The following HLTF variants were observed in gnomAD, a reference collection of about 807,000 sequenced individuals.
HLTF encodes the protein helicase like transcription factor, also known as DNA-dependent ATPase/E3 ubiquitin-protein ligase HLTF.
A neutral mutation model predicts 129.4 loss-of-function variants in HLTF; 127 were observed. The observed-to-expected ratio is 0.98, with a 90% CI of 0.85 to 1.14. The LOEUF is 1.14. Among genes scored for constraint, HLTF ranks in the 50% most tolerant of loss-of-function variants. The pLI, the probability that HLTF is intolerant of heterozygous loss-of-function variation, is 0.00. For missense variants in HLTF, 1,139 were observed against 1,187.1 expected (o/e 0.96, Z 0.60); for synonymous variants, 332 against 388.8 (o/e 0.85, Z 1.72).
chr3:149,047,976 G>A, intron 17 of HLTF, 52 bp downstream of exon 17: 1 of 1,449,822 alleles, frequency 6.9e-7, no homozygotes, highest in Non-Finnish European at 9.3e-7. Context: ...ACTGGTTCAA[G>A]CTACTAACAG....
At chr3:149,070,473 T>A (rs1024613574) in intron 7 of HLTF, among the ~76,000 whole-genome samples, 1 of 152,250 alleles carries the variant, frequency 6.6e-6, no homozygotes, top group Admixed American at 6.5e-5. Context: ...GAGTTTGTAC[T>A]GCTATCTTTA....
intron 4 of HLTF, among the ~76,000 whole-genome samples, 165 bp downstream of exon 4, chr3:149,074,050 G>C (rs1029199690): frequency 6.6e-5 from 10 of 151,920 alleles, no homozygotes; most frequent in Non-Finnish European, 4.4e-5. Flanking sequence ...TTTCAATAGA[G>C]GCAAAAGGAA....
At chr3:149,084,973 T>C (rs1447118931) in intron 1 of HLTF, 84 bp from the exon 2 acceptor site, 2 of 914,024 alleles carry the variant, frequency 2.2e-6, no homozygotes, top group Non-Finnish European at 3.4e-6. Context: ...CATGCTTTAC[T>C]TCAGCAAATG....
In HLTF at chr3:149,032,341, A is replaced by G; in HGVS notation, c.2909T>C (p.Met970Thr). The G allele has an allele frequency of 6.3e-6, 10 of 1,583,950 alleles. No homozygotes were observed. The highest frequency in any genetic ancestry group is 2.3e-5 in the East Asian group (1 of 43,698). ...FIVKDSVEEN[M>T]LKIQNKKREL... ...TCTCTTTTTGTTTTGTATTTTCAGC[A>G]TATTTTCTTCAACAGAGTCCTTTAC... Residue 970 changes from methionine to threonine, a missense_variant, in exon 25 of 25, where the codon ATG (methionine) becomes ACG (threonine). Physicochemically the swap from Met to Thr is moderately conservative, Grantham distance 81. Transcript: ENST00000310053.
intron 2 of HLTF, among the ~76,000 whole-genome samples, chr3:149,083,041 C>T (rs1720006508): frequency 1.3e-5 from 2 of 152,174 alleles, no homozygotes; most frequent in Admixed American, 6.5e-5. Flanking sequence ...CACCTGAGGT[C>T]AGGGGTTCAA....
In HLTF at chr3:149,074,262, G is replaced by T. The variant is rs760917479; in HGVS notation, c.482C>A (p.Ser161Ter). 2.5e-6 allele frequency: 4 copies of T among 1,613,622 alleles called. No homozygotes were observed. The highest frequency in any genetic ancestry group is 1.7e-6 in the Non-Finnish European group (2 of 1,179,776). ...AAATCCATGTTTCTTCAACTGATCT[G>T]AAACCGCTTTTCTATTTTCTTCTTT... ...WGKEENRKAV[S>*]DQLKKHGFKL... Residue 161 changes from serine (S) to a stop codon, truncating the protein, a stop_gained, in exon 4 of 25, where the codon TCA becomes TAA. Transcript: ENST00000310053. LOFTEE classifies it high-confidence loss of function.
chr3:149,084,188 C>G (rs906494162), intron 2 of HLTF, among the ~76,000 whole-genome samples: 2 of 152,098 alleles, frequency 1.3e-5, no homozygotes, highest in African/African-American at 4.8e-5. Context: ...CTAGACAACA[C>G]ATTTCAGACA....
At chr3:149,074,386 G>A (rs768924460) in intron 3 of HLTF, 38 bp from the exon 4 acceptor site, 1 of 1,564,856 alleles carries the variant, frequency 6.4e-7, no homozygotes, top group Non-Finnish European at 8.6e-7. Context: ...GAAATCAGAA[G>A]CATTACTTTT....
rs554593831 is a variant in HLTF, at chr3:149,082,797, T to C, written c.228+1885A>G. On this transcript the variant is annotated intron_variant, in intron 2 of 24. Transcript: ENST00000310053. ...AAGGAAATTATAAGTCCAATATAGA[T>C]GATATTCCTAATCACATTAGGCATA... Among the ~76,000 whole-genome samples, 86 of 152,338 alleles carry C rather than the reference T, an allele frequency of 5.6e-4. 1 individual carries two copies. Among genetic ancestry groups the C allele is most frequent in the South Asian group, 3.3e-3 (16 of 4,828 alleles).
At position 149,031,951 on chromosome 3, in the gene HLTF, T is replaced by A; in HGVS notation, c.*269A>T. 4.5e-6 allele frequency: 1 copy of A among 221,300 alleles called. No individual in the cohort carries two copies. Among genetic ancestry groups the A allele is most frequent in the East Asian group, 9.8e-5 (1 of 10,256 alleles). The allele number at this position is 221,300 out of a possible 1,614,324, so 13.7% of individuals were successfully genotyped here. A position where few individuals can be genotyped will look rare whatever the true frequency, so the allele number is the denominator to read the frequency against. ...GGAAGATACGTGAAAATACTCAGCA[T>A]AGATATTATGAAAAGCTGAATAACA... On this transcript the variant is annotated 3_prime_UTR_variant, in exon 25 of 25. Coordinates refer to ENST00000310053, the MANE Select transcript of HLTF (RefSeq NM_003071.4).
intron 18 of HLTF, among the ~76,000 whole-genome samples, chr3:149,044,735 C>T (rs1278472383): frequency 6.6e-6 from 1 of 152,158 alleles, no homozygotes; most frequent in Non-Finnish European, 1.5e-5. Context: ...CAGCCTTCCA[C>T]TTATGCAGGT....
At chr3:149,059,881 G>T in intron 12 of HLTF, 74 bp from the exon 13 acceptor site, 1 of 869,432 alleles carries the variant, frequency 1.2e-6, no homozygotes. Context: ...CTTTCTAAGG[G>T]TAAGAAATAG....
At chr3:149,084,648 T>C (rs529880001) in intron 2 of HLTF, 34 bp downstream of exon 2, 30 of 1,442,802 alleles carry the variant, frequency 2.1e-5, no homozygotes, top group Non-Finnish European at 2.7e-5. Flanking sequence ...GCCAGAAATA[T>C]AATCAAAATT....
At chr3:149,059,483 G>C (rs1278130129) in intron 13 of HLTF, 1 of 496,998 alleles carries the variant, frequency 2.0e-6, no homozygotes, top group African/African-American at 2.0e-5. Context: ...CTATTCAGAG[G>C]AGTAAGGGCC....
chr3:149,040,620 A>G (rs1716050927), intron 20 of HLTF, among the ~76,000 whole-genome samples: 1 of 152,120 alleles, frequency 6.6e-6, no homozygotes, highest in Non-Finnish European at 1.5e-5. Flanking sequence ...CCAAAGCAAC[A>G]TCTGTTGTAC....
chr3:149,047,909 A>C, intron 17 of HLTF, 119 bp downstream of exon 17: 3 of 760,802 alleles, frequency 3.9e-6, no homozygotes, highest in Non-Finnish European at 6.1e-6. Flanking sequence ...ACTGAGCCAT[A>C]AACACTTTTT....
chr3:149,067,203 C>T (rs972756367), intron 8 of HLTF, among the ~76,000 whole-genome samples: 1 of 151,076 alleles, frequency 6.6e-6, no homozygotes, highest in African/African-American at 2.4e-5. Context: ...TATACACACA[C>T]ACACACAAAT....
At chr3:149,066,080 C>G (rs1718358356) in intron 8 of HLTF, among the ~76,000 whole-genome samples, 1 of 151,318 alleles carries the variant, frequency 6.6e-6, no homozygotes, top group South Asian at 2.1e-4. Flanking sequence ...GAGTTTCACT[C>G]TTGTTGCCCA....
chr3:149,057,363 T>C (rs1717551760), intron 13 of HLTF, among the ~76,000 whole-genome samples: 1 of 150,314 alleles, frequency 6.7e-6, no homozygotes, highest in African/African-American at 2.5e-5. Flanking sequence ...GAGGTGGAGG[T>C]TGCAGTGCGC....
Sources: gnomAD v4.1 joint callset for allele counts (sites outside exome capture counted in the v4.1 genomes callset) on GRCh38, gnomAD v4.1.1 for gene constraint, MANE v1.5 for transcripts, NCBI Gene and HGNC (gene_info 2026-07-23, HGNC 2026-07-21) for gene names.